DYM: variants seen among roughly 807,000 people sequenced by gnomAD.
The protein encoded by DYM is dyggve-Melchior-Clausen syndrome protein.
Under a neutral mutation model 93.1 loss-of-function variants are expected in DYM, and 78 were observed. The ratio of observed to expected loss-of-function variants is 0.84; its 90% CI spans 0.70 to 1.01. The LOEUF (loss-of-function observed/expected upper bound fraction) is 1.01, where lower values mean the gene tolerates loss of function less well. DYM is among the 50% of genes least tolerant of loss of function. DYM has a pLI of 0.00. For missense variants in DYM, 789 were observed against 845.0 expected (o/e 0.93, Z 0.82); for synonymous variants, 321 against 319.7 (o/e 1.00, Z -0.04).
intron 13 of DYM, among the ~76,000 whole-genome samples, chr18:49,245,051 T>C (rs543865639): frequency 2.4e-4 from 36 of 152,324 alleles, no homozygotes; most frequent in Non-Finnish European, 3.7e-4. Context: ...CTTATGCCTG[T>C]CTTTACTGCA....
At chr18:49,353,663 G>A (rs974468288) in intron 6 of DYM, among the ~76,000 whole-genome samples, 25 of 151,960 alleles carry the variant, frequency 1.6e-4, no homozygotes, top group Admixed American at 6.6e-4. Context: ...AATCAAAAAA[G>A]TGGTATACAT....
intron 13 of DYM, among the ~76,000 whole-genome samples, chr18:49,246,385 T>C (rs2094167041): frequency 6.6e-6 from 1 of 152,246 alleles, no homozygotes; most frequent in Non-Finnish European, 1.5e-5. Context: ...ATGAAACACA[T>C]GCAATTCATC....
At chr18:49,289,780 T>TATAC (rs1568181793) in intron 8 of DYM, among the ~76,000 whole-genome samples, 3 of 52,726 alleles carry the variant, frequency 5.7e-5, no homozygotes, top group African/African-American at 2.2e-4. Context: ...TATACACATA[T>TATAC]ATATATATAC....
intron 13 of DYM, among the ~76,000 whole-genome samples, chr18:49,217,316 T>C (rs1468805946): frequency 1.3e-5 from 2 of 152,318 alleles, no homozygotes; most frequent in Admixed American, 1.3e-4. Context: ...TGGAACCAAG[T>C]TGGAAAACAC....
At chr18:49,431,081 T>C (rs1481920777) in intron 1 of DYM, among the ~76,000 whole-genome samples, 1 of 152,120 alleles carries the variant, frequency 6.6e-6, no homozygotes, top group Non-Finnish European at 1.5e-5. Context: ...ACCAAAACAA[T>C]GGTGACAAAG....
At chr18:49,158,494 C>T (rs1039080418) in intron 15 of DYM, among the ~76,000 whole-genome samples, 2 of 152,168 alleles carry the variant, frequency 1.3e-5, no homozygotes, top group African/African-American at 4.8e-5. Context: ...TTTCAAACTT[C>T]TTGGATATGA....
At chr18:49,224,903 G>A (rs2093476349) in intron 13 of DYM, among the ~76,000 whole-genome samples, 1 of 151,954 alleles carries the variant, frequency 6.6e-6, no homozygotes. Flanking sequence ...TTTGAAGAGT[G>A]GCCAAAAAAA....
intron 13 of DYM, among the ~76,000 whole-genome samples, chr18:49,242,864 T>A (rs2094058127): frequency 3.3e-5 from 5 of 152,046 alleles, no homozygotes; most frequent in Admixed American, 3.3e-4. Context: ...CACGCCCGGC[T>A]AATTTTTTTG....
intron 2 of DYM, among the ~76,000 whole-genome samples, chr18:49,416,930 A>G (rs893381572): frequency 1.3e-5 from 2 of 152,140 alleles, no homozygotes; most frequent in African/African-American, 2.4e-5. Flanking sequence ...TACACCCTTC[A>G]GAGCCCCAGA....
chr18:49,239,613 G>A (rs777157781), intron 13 of DYM, among the ~76,000 whole-genome samples: 13 of 152,190 alleles, frequency 8.5e-5, no homozygotes, highest in Non-Finnish European at 1.3e-4. Flanking sequence ...CCTGCGTTGC[G>A]GTGAGGAGGC....
chr18:49,118,460 G>T (rs1379663354), intron 16 of DYM, among the ~76,000 whole-genome samples: 2 of 151,986 alleles, frequency 1.3e-5, no homozygotes, highest in Non-Finnish European at 2.9e-5. Context: ...GACTTTCAAA[G>T]AATTGATAAT....
chr18:49,288,779 CA>C (rs764326331), intron 8 of DYM, among the ~76,000 whole-genome samples: 8 of 139,510 alleles, frequency 5.7e-5, no homozygotes, highest in Admixed American at 4.3e-4. Flanking sequence ...GACTCTGTCT[CA>C]AAAAAAAACA....
At chr18:49,223,109 A>G (rs576500950) in intron 13 of DYM, among the ~76,000 whole-genome samples, 1 of 152,244 alleles carries the variant, frequency 6.6e-6, no homozygotes, top group African/African-American at 2.4e-5. Flanking sequence ...TCAGTTTACA[A>G]TAGAAATTGA....
At chr18:49,216,246 G>A (rs12968802) in intron 13 of DYM, among the ~76,000 whole-genome samples, 26,147 of 152,132 alleles carry the variant, frequency 0.17, 2,491 homozygotes, top group Admixed American at 0.24. Flanking sequence ...TAAAGCAGCC[G>A]GGAAGCTCGA....
intron 12 of DYM, 146 bp downstream of exon 12, chr18:49,258,234 T>A: frequency 1.5e-6 from 1 of 655,560 alleles, no homozygotes; most frequent in Non-Finnish European, 2.7e-6. Context: ...TACATTAGGA[T>A]CATGTAATAC....
chr18:49,404,689 CA>C (rs1290001145), intron 2 of DYM, among the ~76,000 whole-genome samples: 1 of 152,070 alleles, frequency 6.6e-6, no homozygotes, highest in Non-Finnish European at 1.5e-5. Flanking sequence ...AGCACTTTTT[CA>C]TGTTTGTTGG....
chr18:49,168,405 A>G (rs2088192474), intron 14 of DYM, among the ~76,000 whole-genome samples: 1 of 152,232 alleles, frequency 6.6e-6, no homozygotes, highest in Non-Finnish European at 1.5e-5. Flanking sequence ...GCCCCTGCCA[A>G]TGACAGCATT....
chr18:49,360,584 T>C lies in DYM; in HGVS notation c.494+2577A>G, dbSNP rs796687385. Among the ~76,000 whole-genome samples, 11 of 151,636 alleles carry C rather than the reference T, an allele frequency of 7.3e-5. No individual in the cohort carries two copies. The South Asian group carries it at 2.3e-3, about 32-fold the overall frequency. On this transcript the variant is annotated intron_variant, in intron 6 of 17. Transcript: ENST00000675505. ...TTGCAGTGAGCTGAGATCACGCCAC[T>C]GCACTCTAGCCTGGGTGACAGAGTA...
At chr18:49,289,794 CAT>C (rs1379601314) in intron 8 of DYM, among the ~76,000 whole-genome samples, 8,021 of 68,332 alleles carry the variant, frequency 0.12, 1,094 homozygotes, top group African/African-American at 0.32. Flanking sequence ...TATATACACA[CAT>C]ATATATATAT....
Sources: allele counts gnomAD v4.1 joint callset (sites outside exome capture counted in the v4.1 genomes callset), GRCh38; gene constraint gnomAD v4.1.1; transcripts MANE v1.5; gene names NCBI Gene and HGNC (gene_info 2026-07-23, HGNC 2026-07-21).